PCDHAC1: variants seen among roughly 807,000 people sequenced by gnomAD.
The protein encoded by PCDHAC1 is protocadherin alpha-C1.
Under a neutral mutation model 60.0 loss-of-function variants are expected in PCDHAC1, and 42 were observed. The ratio of observed to expected loss-of-function variants is 0.70; its 90% CI spans 0.55 to 0.90. The LOEUF (loss-of-function observed/expected upper bound fraction) is 0.90, where lower values mean the gene tolerates loss of function less well. PCDHAC1 is among the 40% of genes least tolerant of loss of function. The probability of loss-of-function intolerance (pLI) is 0.00; values close to 1 mark genes in which losing one functional copy is unlikely to be tolerated. For missense variants in PCDHAC1, 1,160 were observed against 1,222.3 expected (o/e 0.95, Z 0.76); for synonymous variants, 468 against 499.3 (o/e 0.94, Z 0.84).
chr5:140,970,854 T>G (rs2096437899), intron 1 of PCDHAC1, among the ~76,000 whole-genome samples: 1 of 152,148 alleles, frequency 6.6e-6, no homozygotes, highest in Non-Finnish European at 1.5e-5. Flanking sequence ...GCACAAAAGT[T>G]CCATTCCTGA....
intron 1 of PCDHAC1, among the ~76,000 whole-genome samples, chr5:140,971,248 A>G (rs552592175): frequency 6.6e-6 from 1 of 152,330 alleles, no homozygotes; most frequent in East Asian, 1.9e-4. Context: ...AATTTGATAC[A>G]TAAACTATTT....
chr5:141,007,472 G>A (rs2098331789), intron 3 of PCDHAC1, among the ~76,000 whole-genome samples: 1 of 151,844 alleles, frequency 6.6e-6, no homozygotes, highest in Non-Finnish European at 1.5e-5. Context: ...GGAGGCTGAG[G>A]CACGAGAATT....
At chr5:140,966,313 C>T (rs1349194825) in intron 1 of PCDHAC1, 18 of 386,704 alleles carry the variant, frequency 4.7e-5, no homozygotes, top group African/African-American at 2.5e-4. Flanking sequence ...CGTGTTCCTG[C>T]GGTCCGCTGG....
At chr5:141,008,837 C>T (rs1460664317) in intron 3 of PCDHAC1, among the ~76,000 whole-genome samples, 10 of 152,178 alleles carry the variant, frequency 6.6e-5, no homozygotes, top group South Asian at 2.1e-4. Flanking sequence ...CATCCTCTTA[C>T]GCTGTGTATT....
At chr5:140,992,019 G>C (rs1326705755) in intron 3 of PCDHAC1, among the ~76,000 whole-genome samples, 2 of 50,642 alleles carry the variant, frequency 3.9e-5, no homozygotes, top group African/African-American at 6.0e-5. Context: ...AGGTGGCTCT[G>C]TGTGTGTGTG....
Position 140,927,871 on chromosome 5 carries a change from C to T in PCDHAC1, c.979C>T (p.Leu327=), listed in dbSNP as rs376396178. The T allele has an allele frequency of 5.6e-6, 9 of 1,614,048 alleles. No individual in the cohort carries two copies. In the African/African-American group the frequency reaches 1.2e-4, roughly 22 times the overall value. ...TGGTTTAGCTAGCACCGCTAAACTG[C>T]TGGTGGAGGTGACTGACGTGAACGA... ...VFGLASTAKL[L]VEVTDVNDHA... The change falls in exon 1 of 4, where the codon CTG becomes TTG. Residue 327 remains leucine, a synonymous_variant. Coordinates refer to ENST00000253807, the MANE Select transcript of PCDHAC1 (RefSeq NM_018898.5).
intron 1 of PCDHAC1, among the ~76,000 whole-genome samples, chr5:140,952,079 C>A (rs2094682960): frequency 6.6e-6 from 1 of 152,162 alleles, no homozygotes; most frequent in South Asian, 2.1e-4. Flanking sequence ...TTCATTGACT[C>A]CATGTCTCAC....
At chr5:140,938,508 A>G (rs1563167946) in intron 1 of PCDHAC1, among the ~76,000 whole-genome samples, 1 of 152,046 alleles carries the variant, frequency 6.6e-6, no homozygotes, top group African/African-American at 2.4e-5. Context: ...AATTTATCAC[A>G]TATTTTCTGT....
Position 140,938,847 on chromosome 5 carries a change from T to C in PCDHAC1, c.2433+9522T>C, listed in dbSNP as rs371783438. 4.6e-5 allele frequency among the ~76,000 whole-genome samples: 7 copies of C among 152,194 alleles called. No individual in the cohort carries two copies. The South Asian group carries it at 6.2e-4, about 14-fold the overall frequency. ...GTTTGCGTTATAACAAACCTGCCCA[T>C]GTACCCCTGAACTTAAAAGTTAAGA... On this transcript the variant is annotated intron_variant, in intron 1 of 3. Transcript: ENST00000253807.
At chr5:140,956,925 G>GA (rs1487375223) in intron 1 of PCDHAC1, among the ~76,000 whole-genome samples, 1 of 151,858 alleles carries the variant, frequency 6.6e-6, no homozygotes, top group Non-Finnish European at 1.5e-5. Context: ...AATCTTGCTG[G>GA]ATATAGGATA....
chr5:140,932,199 A>C (rs1314795858), intron 1 of PCDHAC1, among the ~76,000 whole-genome samples: 2 of 151,894 alleles, frequency 1.3e-5, no homozygotes, highest in African/African-American at 4.8e-5. Context: ...TTTTTCTGTT[A>C]ATATTCTTGA....
chr5:141,008,362 G>A (rs2098372939), intron 3 of PCDHAC1, among the ~76,000 whole-genome samples: 1 of 152,172 alleles, frequency 6.6e-6, no homozygotes, highest in Non-Finnish European at 1.5e-5. Flanking sequence ...AACCAAAGGA[G>A]CAGTGTTAGA....
chr5:140,966,929 G>A (rs944732818), intron 1 of PCDHAC1: 2 of 1,603,460 alleles, frequency 1.2e-6, no homozygotes, highest in African/African-American at 1.3e-5. Flanking sequence ...GCAGGCACCC[G>A]GCGCGCTCGT....
At chr5:140,963,397 G>A (rs1190925238) in intron 1 of PCDHAC1, among the ~76,000 whole-genome samples, 1 of 152,160 alleles carries the variant, frequency 6.6e-6, no homozygotes, top group Admixed American at 6.5e-5. Context: ...GCTCCCTACT[G>A]GATGCTGTAG....
At chr5:141,000,361 G>GTC (rs148596731) in intron 3 of PCDHAC1, among the ~76,000 whole-genome samples, 441 of 26,430 alleles carry the variant, frequency 0.017, 8 homozygotes, top group Non-Finnish European at 0.02. Flanking sequence ...GTCTCTCTCT[G>GTC]TCTCTCTCTC....
intron 1 of PCDHAC1, among the ~76,000 whole-genome samples, chr5:140,932,779 G>T (rs556279743): frequency 3.9e-5 from 6 of 151,910 alleles, no homozygotes; most frequent in Non-Finnish European, 8.9e-5. Context: ...TAATTTGAGT[G>T]GACATAAGAG....
rs57893927 is a variant in PCDHAC1, at chr5:140,946,631, T to TATATATATATATATATATATATAC, written c.2433+17307_2433+17308insTATATATATATATATATATATACA. Among the ~76,000 whole-genome samples the TATATATATATATATATATATATAC allele has an allele frequency of 2.6e-3, 340 of 131,752 alleles. 23 individuals carry two copies. The highest frequency in any genetic ancestry group is 0.011 in the African/African-American group (303 of 28,632). The allele number at this position is 131,752 out of a possible 152,430, so 86.4% of individuals were successfully genotyped here. On this transcript the variant is annotated intron_variant, in intron 1 of 3. Transcript: ENST00000253807. ...TGTGAAATATATATATATATATATA[T>TATATATATATATATATATATATAC]ACAATGGAATACTCATCAGCCATTA...
In PCDHAC1 at chr5:140,927,241, A is replaced by T. The variant is rs781911240; in HGVS notation, c.349A>T (p.Thr117Ser). The stretch of plus-strand genomic sequence containing the variant: ...CAAGATTCGGATTCACGTCCTGGAC[A>T]CCAATGACAACTCACCTCTCTTTCC... ...LHKIRIHVLD[T>S]NDNSPLFPAG... is the part of the protein sequence containing the mutation. Residue 117 changes from threonine (T) to serine (S), a missense_variant, in exon 1 of 4, where the codon ACC becomes TCC. Thr to Ser is a moderately conservative substitution (Grantham distance 58, BLOSUM62 1). This residue lies in a region of PCDHAC1 where 1,113 missense variants were observed against 1,163.7 expected (regional missense o/e 0.96). Coordinates refer to ENST00000253807, the MANE Select transcript of PCDHAC1 (RefSeq NM_018898.5). 3 of 1,613,966 alleles carry T rather than the reference A, an allele frequency of 1.9e-6. No homozygotes were observed. The Admixed American group carries it at 5.0e-5, about 27-fold the overall frequency.
chr5:140,998,070 G>T (rs2097795700), intron 3 of PCDHAC1, among the ~76,000 whole-genome samples: 1 of 152,050 alleles, frequency 6.6e-6, no homozygotes, highest in Admixed American at 6.6e-5. Context: ...AACAGACTTA[G>T]CCTCTGCAGT....
Sources: gnomAD v4.1 joint callset for allele counts (sites outside exome capture counted in the v4.1 genomes callset) on GRCh38, gnomAD v4.1.1 for gene constraint, gnomAD v4.1.1 regional missense constraint, MANE v1.5 for transcripts, NCBI Gene and HGNC (gene_info 2026-07-23, HGNC 2026-07-21) for gene names.